The following FSTL4 variants were observed in gnomAD, a reference collection of about 807,000 sequenced individuals.
The protein encoded by FSTL4 is follistatin like 4.
FSTL4 carries 28 observed loss-of-function variants against 78.2 expected under a neutral mutation model. The ratio of observed to expected loss-of-function variants is 0.36; its 90% CI spans 0.27 to 0.49. The LOEUF is 0.49. Among genes scored for constraint, FSTL4 ranks in the 20% least tolerant of loss-of-function variants. FSTL4 has a pLI of 0.98. For missense variants in FSTL4, 922 were observed against 1,084.9 expected (o/e 0.85, Z 2.11); for synonymous variants, 422 against 440.5 (o/e 0.96, Z 0.53).
At chr5:133,645,225 A>T in the FSTL4 span, among the ~76,000 whole-genome samples, 1 of 152,290 alleles carries the variant, frequency 6.6e-6, no homozygotes, top group South Asian at 2.1e-4. Context: ...TGGGTGATGC[A>T]GAGGGTCTCT....
chr5:133,375,291 C>CATATATATATGTGTGTGTATATAT (rs67110507), intron 4 of FSTL4, among the ~76,000 whole-genome samples: 7 of 57,950 alleles, frequency 1.2e-4, no homozygotes, highest in South Asian at 6.6e-4. Context: ...GTGTGCATGG[C>CATATATATATGTGTGTGTATATAT]ATATATATAT....
chr5:133,829,888 A>G, the FSTL4 span, among the ~76,000 whole-genome samples: 1 of 152,216 alleles, frequency 6.6e-6, no homozygotes, highest in South Asian at 2.1e-4. Flanking sequence ...CTCTGCCCTG[A>G]GAAGATGCTC....
At chr5:133,423,835 G>C (rs1234814395) in intron 3 of FSTL4, among the ~76,000 whole-genome samples, 1 of 152,226 alleles carries the variant, frequency 6.6e-6, no homozygotes, top group Non-Finnish European at 1.5e-5. Context: ...ACATAACTGA[G>C]TATAACTTTG....
At chr5:133,740,307 A>G in the FSTL4 span, among the ~76,000 whole-genome samples, 1 of 152,152 alleles carries the variant, frequency 6.6e-6, no homozygotes, top group African/African-American at 2.4e-5. Flanking sequence ...ATTCTCTCCT[A>G]TAAGCACATG....
chr5:133,402,787 A>G (rs1012898799), intron 3 of FSTL4, among the ~76,000 whole-genome samples: 2 of 152,210 alleles, frequency 1.3e-5, no homozygotes, highest in Non-Finnish European at 2.9e-5. Context: ...AGAAGGTCAA[A>G]TATCTCTGAG....
intron 14 of FSTL4, among the ~76,000 whole-genome samples, chr5:133,207,679 T>G (rs1283002906): frequency 6.6e-6 from 1 of 152,232 alleles, no homozygotes; most frequent in African/African-American, 2.4e-5. Context: ...GGTCTCACTC[T>G]GTCACCCAGG....
chr5:133,285,775 C>T (rs768929137), intron 6 of FSTL4, among the ~76,000 whole-genome samples: 1 of 152,232 alleles, frequency 6.6e-6, no homozygotes, highest in African/African-American at 2.4e-5. Context: ...CCCAGCTGCA[C>T]CCAGCTCAGC....
At chr5:133,752,845 G>A in the FSTL4 span, among the ~76,000 whole-genome samples, 1 of 152,022 alleles carries the variant, frequency 6.6e-6, no homozygotes, top group Non-Finnish European at 1.5e-5. Context: ...GCCTGTTACT[G>A]GTCGACCAGC....
the FSTL4 span, among the ~76,000 whole-genome samples, chr5:133,732,668 C>T: frequency 2.0e-3 from 303 of 152,316 alleles, no homozygotes; most frequent in African/African-American, 6.8e-3. Flanking sequence ...ACTGCCCGCC[C>T]AGCTCCAGAT....
At chr5:133,691,492 G>T in the FSTL4 span, among the ~76,000 whole-genome samples, 2 of 152,212 alleles carry the variant, frequency 1.3e-5, no homozygotes, top group South Asian at 4.2e-4. Context: ...CCAGAGCTGA[G>T]GGATCATTAA....
the FSTL4 span, among the ~76,000 whole-genome samples, chr5:133,622,615 T>C: frequency 6.6e-6 from 1 of 152,206 alleles, no homozygotes; most frequent in Non-Finnish European, 1.5e-5. Flanking sequence ...CACTATTTTT[T>C]ATTTTAGCCA....
the FSTL4 span, among the ~76,000 whole-genome samples, chr5:133,798,029 C>T: frequency 6.6e-6 from 1 of 152,182 alleles, no homozygotes; most frequent in Admixed American, 6.5e-5. Flanking sequence ...CCCACAGGCT[C>T]TTCCTTCACA....
chr5:133,789,904 T>C, the FSTL4 span, among the ~76,000 whole-genome samples: 14 of 152,172 alleles, frequency 9.2e-5, no homozygotes, highest in African/African-American at 2.9e-4. Flanking sequence ...CATCTCCACA[T>C]ACAGCCATAT....
At chr5:133,421,234 A>G (rs1031487048) in intron 3 of FSTL4, among the ~76,000 whole-genome samples, 1 of 152,248 alleles carries the variant, frequency 6.6e-6, no homozygotes, top group Non-Finnish European at 1.5e-5. Context: ...ACCATGGTGC[A>G]TACAGTGGGC....
At chr5:133,330,391 A>G (rs1457956601) in intron 4 of FSTL4, among the ~76,000 whole-genome samples, 1 of 152,210 alleles carries the variant, frequency 6.6e-6, no homozygotes, top group Non-Finnish European at 1.5e-5. Flanking sequence ...AAAGAAGGTG[A>G]AAGGGGAGCA....
the FSTL4 span, among the ~76,000 whole-genome samples, chr5:133,768,534 C>G: frequency 6.6e-6 from 1 of 152,166 alleles, no homozygotes; most frequent in Non-Finnish European, 1.5e-5. Context: ...CAGAGACCTC[C>G]CTGAATAGGC....
intron 4 of FSTL4, among the ~76,000 whole-genome samples, chr5:133,331,006 T>C (rs1404131673): frequency 6.6e-6 from 1 of 152,170 alleles, no homozygotes; most frequent in African/African-American, 2.4e-5. Flanking sequence ...GGGCAGGGGA[T>C]TCAGGGTCAT....
chr5:133,252,428 C>T (rs1752280345), intron 6 of FSTL4, among the ~76,000 whole-genome samples: 1 of 152,048 alleles, frequency 6.6e-6, no homozygotes, highest in Admixed American at 6.5e-5. Flanking sequence ...CAGATTCTTG[C>T]CCCTCTGCCT....
At chr5:133,352,357 CACACATATATAT>C (rs1561683027) in intron 4 of FSTL4, among the ~76,000 whole-genome samples, 1 of 143,254 alleles carries the variant, frequency 7.0e-6, no homozygotes, top group East Asian at 2.1e-4. Flanking sequence ...TATATATACA[CACACATATATAT>C]ACACATATAT....
Sources: gnomAD v4.1 joint callset for allele counts (sites outside exome capture counted in the v4.1 genomes callset) on GRCh38, gnomAD v4.1.1 for gene constraint, MANE v1.5 for transcripts, NCBI Gene and HGNC (gene_info 2026-07-23, HGNC 2026-07-21) for gene names.